Variants in ZNF385D observed in about 807,000 individuals in gnomAD.
The protein encoded by ZNF385D is zinc finger protein 659.
ZNF385D carries 15 observed loss-of-function variants against 35.8 expected under a neutral mutation model. That is an observed-to-expected ratio of 0.42 (90% CI 0.28 to 0.64). The LOEUF is 0.64. Ranked by LOEUF, ZNF385D falls within the 30% of genes least tolerant of loss-of-function variation. ZNF385D has a pLI of 0.23. For missense variants in ZNF385D, 474 were observed against 494.6 expected (o/e 0.96, Z 0.39); for synonymous variants, 212 against 186.8 (o/e 1.13, Z -1.10).
intron 3 of ZNF385D, among the ~76,000 whole-genome samples, chr3:21,761,848 G>C (rs1046465722): frequency 2.0e-4 from 27 of 133,422 alleles, no homozygotes; most frequent in African/African-American, 4.4e-4. Context: ...TTAAAATTAT[G>C]ATTTCAAGAG....
intron 2 of ZNF385D, among the ~76,000 whole-genome samples, chr3:22,326,811 A>G (rs982662536): frequency 3.9e-5 from 6 of 152,244 alleles, no homozygotes; most frequent in African/African-American, 1.4e-4. Flanking sequence ...CCACATCAAG[A>G]TACCGAACAT....
chr3:22,155,723 AT>A (rs1220379780), intron 3 of ZNF385D, among the ~76,000 whole-genome samples: 5 of 152,100 alleles, frequency 3.3e-5, no homozygotes, highest in Non-Finnish European at 7.4e-5. Flanking sequence ...TAAAAATTGG[AT>A]TTTGGTAGAA....
chr3:21,420,644 T>C lies in ZNF385D; in HGVS notation c.*570A>G. The C allele has an allele frequency of 6.6e-6, 1 of 152,388 alleles. No individual in the cohort carries two copies. The highest frequency in any genetic ancestry group is 1.9e-4 in the East Asian group (1 of 5,188). The allele number at this position is 152,388 out of a possible 1,614,324, so 9.4% of individuals were successfully genotyped here. On this transcript the variant is annotated 3_prime_UTR_variant, in exon 8 of 8. Coordinates refer to ENST00000281523, the MANE Select transcript of ZNF385D (RefSeq NM_024697.3). The stretch of plus-strand genomic sequence containing the variant: ...TGCAATTCTTTAAAACCTAGTGGCA[T>C]AGATTGAGACACAGCACTATTGTTT...
chr3:22,357,361 C>T (rs1696201589), intron 2 of ZNF385D, among the ~76,000 whole-genome samples: 2 of 151,820 alleles, frequency 1.3e-5, no homozygotes, highest in South Asian at 4.1e-4. Context: ...AGATGCAAGA[C>T]AGATAAATTA....
chr3:22,212,893 C>T (rs992633481), intron 2 of ZNF385D, among the ~76,000 whole-genome samples: 42 of 151,932 alleles, frequency 2.8e-4, no homozygotes, highest in Non-Finnish European at 4.9e-4. Flanking sequence ...TTAAGATGCA[C>T]AGCCAAATTG....
chr3:21,836,886 G>A (rs17009696), intron 3 of ZNF385D, among the ~76,000 whole-genome samples: 126 of 152,122 alleles, frequency 8.3e-4, no homozygotes, highest in African/African-American at 2.7e-3. Context: ...GGTGAGAACC[G>A]GGAATAATCA....
intron 3 of ZNF385D, among the ~76,000 whole-genome samples, chr3:21,880,553 C>G (rs1698223298): frequency 6.6e-6 from 1 of 151,960 alleles, no homozygotes; most frequent in South Asian, 2.1e-4. Flanking sequence ...ACCCATGTCT[C>G]TCTCCCTGTC....
chr3:21,693,940 G>A (rs553417028), intron 1 of ZNF385D, among the ~76,000 whole-genome samples: 12 of 145,596 alleles, frequency 8.2e-5, no homozygotes, highest in South Asian at 4.4e-4. Flanking sequence ...GTGCAGTTGC[G>A]CGACCTCGGC....
chr3:21,889,957 G>A (rs1698764140), intron 3 of ZNF385D, among the ~76,000 whole-genome samples: 1 of 151,906 alleles, frequency 6.6e-6, no homozygotes, highest in South Asian at 2.1e-4. Context: ...CTGTGTGTGC[G>A]TGTGCCTGTG....
chr3:22,273,742 G>A (rs1003355622), intron 2 of ZNF385D, among the ~76,000 whole-genome samples: 3 of 152,020 alleles, frequency 2.0e-5, no homozygotes, highest in Non-Finnish European at 2.9e-5. Flanking sequence ...AGATCAGGAA[G>A]TTGAATACGC....
chr3:21,830,671 G>T (rs1575737114), intron 3 of ZNF385D, among the ~76,000 whole-genome samples: 1 of 151,986 alleles, frequency 6.6e-6, no homozygotes, highest in African/African-American at 2.4e-5. Context: ...TTTATTAGTA[G>T]AGTTGCGGAA....
At chr3:21,552,780 T>C (rs2062611227) in intron 3 of ZNF385D, among the ~76,000 whole-genome samples, 1 of 152,248 alleles carries the variant, frequency 6.6e-6, no homozygotes, top group Admixed American at 6.5e-5. Context: ...TTCCTAATGC[T>C]GTTTAAATCA....
intron 3 of ZNF385D, among the ~76,000 whole-genome samples, chr3:21,989,747 T>C (rs1238475025): frequency 6.6e-6 from 1 of 152,194 alleles, no homozygotes; most frequent in Non-Finnish European, 1.5e-5. Context: ...GTTCTCCTCA[T>C]CTAAGCGCAT....
intron 3 of ZNF385D, among the ~76,000 whole-genome samples, chr3:21,758,829 C>A (rs2070462200): frequency 6.6e-6 from 1 of 151,792 alleles, no homozygotes; most frequent in South Asian, 2.1e-4. Flanking sequence ...GAGGCAGACA[C>A]TGGCCTCTCA....
At chr3:22,080,311 T>A (rs989337865) in intron 3 of ZNF385D, among the ~76,000 whole-genome samples, 3 of 152,124 alleles carry the variant, frequency 2.0e-5, no homozygotes, top group African/African-American at 7.2e-5. Context: ...CTTTAATGCA[T>A]AAATGACAGT....
intron 3 of ZNF385D, among the ~76,000 whole-genome samples, chr3:21,945,145 C>CACGTATATGTAT (rs1701714738): frequency 6.6e-6 from 1 of 151,138 alleles, no homozygotes. Context: ...TATGTATATG[C>CACGTATATGTAT]ATATATATAT....
At chr3:21,586,874 T>TAA (rs2063826433) in intron 2 of ZNF385D, among the ~76,000 whole-genome samples, 1 of 152,158 alleles carries the variant, frequency 6.6e-6, no homozygotes, top group African/African-American at 2.4e-5. Flanking sequence ...AATAAAGATA[T>TAA]AAGTTAAGTA....
chr3:21,455,132 A>T (rs1164299744), intron 4 of ZNF385D, among the ~76,000 whole-genome samples: 1 of 152,228 alleles, frequency 6.6e-6, no homozygotes, highest in East Asian at 1.9e-4. Flanking sequence ...GATAGGAAGA[A>T]TCAATATCGT....
At chr3:21,546,841 C>G (rs980396027) in intron 3 of ZNF385D, among the ~76,000 whole-genome samples, 2 of 151,754 alleles carry the variant, frequency 1.3e-5, no homozygotes, top group Non-Finnish European at 2.9e-5. Flanking sequence ...CTCTAGCCCC[C>G]CCCGCTTCAT....
Sources: gnomAD v4.1 joint callset for allele counts (sites outside exome capture counted in the v4.1 genomes callset) on GRCh38, gnomAD v4.1.1 for gene constraint, MANE v1.5 for transcripts, NCBI Gene and HGNC (gene_info 2026-07-23, HGNC 2026-07-21) for gene names.